The following PIBF1 variants were observed in gnomAD, a reference collection of about 807,000 sequenced individuals.
PIBF1 encodes the protein progesterone-induced-blocking factor 1.
A neutral mutation model predicts 112.5 loss-of-function variants in PIBF1; 90 were observed. That is an observed-to-expected ratio of 0.80 (90% CI 0.67 to 0.95). The LOEUF (loss-of-function observed/expected upper bound fraction) is 0.95. Among genes scored for constraint, PIBF1 ranks in the 40% least tolerant of loss-of-function variants. PIBF1 has a pLI of 0.00. For missense variants in PIBF1, 915 were observed against 852.3 expected, an observed-to-expected ratio of 1.07 and a Z score of -0.92; for synonymous variants, 301 against 288.6, an observed-to-expected ratio of 1.04 and a Z score of -0.44.
intron 14 of PIBF1, among the ~76,000 whole-genome samples, chr13:72,940,010 T>C (rs2041970188): frequency 6.6e-6 from 1 of 152,158 alleles, no homozygotes. Context: ...TCATTTGGCT[T>C]TCTGGAGTTT....
chr13:72,845,165 G>A (rs2037813497), intron 9 of PIBF1, among the ~76,000 whole-genome samples: 2 of 150,236 alleles, frequency 1.3e-5, no homozygotes, highest in South Asian at 4.2e-4. Context: ...GTTGGCTCCA[G>A]TGTGTGTTGT....
intron 17 of PIBF1, among the ~76,000 whole-genome samples, chr13:73,004,660 G>A (rs1466052159): frequency 6.6e-6 from 1 of 152,032 alleles, no homozygotes; most frequent in East Asian, 1.9e-4. Flanking sequence ...TTCACTATCT[G>A]TTAATCCTTT....
chr13:72,818,316 C>T (rs1286227236), intron 5 of PIBF1, among the ~76,000 whole-genome samples: 1 of 152,102 alleles, frequency 6.6e-6, no homozygotes, highest in Non-Finnish European at 1.5e-5. Context: ...TAATGAAAGC[C>T]TTGCTCTAGA....
In PIBF1 at chr13:72,936,779, A is replaced by G. The variant is rs150049344; in HGVS notation, c.1833+5512A>G. ...CTGGGTGTTTTTTTTGCATTTCTAT[A>G]TGAATTCTATCATCAGTTTGTTAAT... On this transcript the variant is annotated intron_variant, in intron 14 of 17. Transcript: ENST00000326291. Among the ~76,000 whole-genome samples, 1,158 of 152,090 alleles carry G rather than the reference A, an allele frequency of 7.6e-3. 14 individuals carry two copies. The highest frequency in any genetic ancestry group is 0.014 in the Middle Eastern group (4 of 294).
chr13:72,919,531 G>A (rs1488460475), intron 13 of PIBF1, among the ~76,000 whole-genome samples: 1 of 152,134 alleles, frequency 6.6e-6, no homozygotes, highest in East Asian at 1.9e-4. Context: ...TGTTGCCTAA[G>A]GAAGAATAGA....
At chr13:72,836,284 G>T (rs2037358161) in intron 9 of PIBF1, among the ~76,000 whole-genome samples, 1 of 152,036 alleles carries the variant, frequency 6.6e-6, no homozygotes, top group Admixed American at 6.6e-5. Flanking sequence ...ATATTTTAAT[G>T]AGAAAATTAT....
chr13:72,908,709 C>A, intron 12 of PIBF1, 28 bp downstream of exon 12: 1 of 1,573,714 alleles, frequency 6.4e-7, no homozygotes, highest in Non-Finnish European at 8.6e-7. Flanking sequence ...CACACATGCA[C>A]AACTTTTTTT....
At chr13:72,884,005 G>T (rs1355132388) in intron 10 of PIBF1, among the ~76,000 whole-genome samples, 2 of 152,050 alleles carry the variant, frequency 1.3e-5, no homozygotes, top group African/African-American at 4.8e-5. Context: ...TAACACAAAA[G>T]ATAAATCCTT....
intron 14 of PIBF1, among the ~76,000 whole-genome samples, chr13:72,933,115 C>G (rs916373455): frequency 6.6e-6 from 1 of 152,122 alleles, no homozygotes; most frequent in Non-Finnish European, 1.5e-5. Context: ...AAACAAACCT[C>G]TGTTTGCTAA....
intron 14 of PIBF1, among the ~76,000 whole-genome samples, chr13:72,959,429 A>G (rs536717310): frequency 6.6e-6 from 1 of 152,320 alleles, no homozygotes; most frequent in African/African-American, 2.4e-5. Context: ...TTAAGCAAGG[A>G]TATGTGACTG....
At chr13:72,791,301 G>A (rs9600025) in intron 2 of PIBF1, among the ~76,000 whole-genome samples, 3 of 152,004 alleles carry the variant, frequency 2.0e-5, no homozygotes, top group Non-Finnish European at 4.4e-5. Context: ...TGATACACCC[G>A]CCTCATCCTC....
At chr13:72,881,992 C>T (rs900221397) in intron 10 of PIBF1, among the ~76,000 whole-genome samples, 3 of 151,774 alleles carry the variant, frequency 2.0e-5, no homozygotes, top group Non-Finnish European at 4.4e-5. Context: ...AGCTATCCTA[C>T]GCAAAAAGAG....
At chr13:72,875,488 G>T (rs528224944) in intron 10 of PIBF1, among the ~76,000 whole-genome samples, 1 of 146,738 alleles carries the variant, frequency 6.8e-6, no homozygotes, top group Admixed American at 6.8e-5. Context: ...TGTAGTGTGG[G>T]GGAAAAAAAA....
chr13:72,919,544 A>G (rs569562267), intron 13 of PIBF1, among the ~76,000 whole-genome samples: 1 of 152,358 alleles, frequency 6.6e-6, no homozygotes, highest in South Asian at 2.1e-4. Context: ...AGAATAGAAC[A>G]TAGTTTTGTG....
chr13:72,995,300 CAAAA>C (rs1363475945), intron 16 of PIBF1, among the ~76,000 whole-genome samples: 1 of 86,846 alleles, frequency 1.2e-5, no homozygotes. Flanking sequence ...GACTCCGTCT[CAAAA>C]AAAAAAAAAA....
chr13:72,908,717 T>C, intron 12 of PIBF1, 36 bp downstream of exon 12: 1 of 1,567,338 alleles, frequency 6.4e-7, no homozygotes, highest in Non-Finnish European at 8.6e-7. Flanking sequence ...CACAACTTTT[T>C]TTTTTCTGGC....
chr13:72,908,816 A>C (rs1327310920), intron 12 of PIBF1, 135 bp downstream of exon 12: 4 of 646,172 alleles, frequency 6.2e-6, no homozygotes, highest in African/African-American at 3.8e-5. Context: ...TGGGCGGCCA[A>C]GGTGGGCAAA....
Position 72,835,319 on chromosome 13 carries a change from A to G in PIBF1, c.1174A>G (p.Ile392Val). 1.9e-6 allele frequency: 3 copies of G among 1,598,464 alleles called. No homozygotes were observed. The highest frequency in any genetic ancestry group is 2.6e-6 in the Non-Finnish European group (3 of 1,173,694). ...EQIRLKTNQEIDQLRNASREM... is the reference protein window; with the variant it reads ...EQIRLKTNQEVDQLRNASREM... ...AATCAGATTGAAAACCAACCAAGAA[A>G]TTGATCAACTTCGAAATGCCTCTAG... Residue 392 changes from isoleucine (I) to valine (V), a missense_variant, in exon 9 of 18, where the codon ATT becomes GTT. By Grantham distance (29) the Ile-to-Val change is conservative. Coordinates refer to ENST00000326291, the MANE Select transcript of PIBF1 (RefSeq NM_006346.4).
At chr13:72,921,992 G>A (rs1363701515) in intron 13 of PIBF1, among the ~76,000 whole-genome samples, 2 of 152,120 alleles carry the variant, frequency 1.3e-5, no homozygotes, top group Non-Finnish European at 2.9e-5. Flanking sequence ...TTTAGTATCA[G>A]TCCATTTTTA....
Sources: allele counts gnomAD v4.1 joint callset (sites outside exome capture counted in the v4.1 genomes callset), GRCh38; gene constraint gnomAD v4.1.1; transcripts MANE v1.5; gene names NCBI Gene and HGNC (gene_info 2026-07-23, HGNC 2026-07-21).